Variants in RASEF observed in about 807,000 individuals in gnomAD.
RASEF encodes the protein ras and EF-hand domain-containing protein.
RASEF carries 68 observed loss-of-function variants against 90.1 expected under a neutral mutation model. The observed-to-expected ratio is 0.75, with a 90% CI of 0.62 to 0.92. The LOEUF is 0.92. RASEF is among the 40% of genes least tolerant of loss of function. The pLI is 0.00. For missense variants in RASEF, 949 were observed against 937.2 expected (o/e 1.01, Z -0.16); for synonymous variants, 331 against 345.2 (o/e 0.96, Z 0.46).
chr9:83,084,431 C>T, the RASEF span, among the ~76,000 whole-genome samples: 1 of 152,130 alleles, frequency 6.6e-6, no homozygotes, highest in Admixed American at 6.5e-5. Context: ...AGCTGGCTAC[C>T]ATTTGCCAAC....
chr9:83,042,226 T>TA (rs2118644305), intron 1 of RASEF, among the ~76,000 whole-genome samples: 1 of 152,302 alleles, frequency 6.6e-6, no homozygotes, highest in South Asian at 2.1e-4. Flanking sequence ...ATTGTTGCTT[T>TA]AAATGCAAGA....
chr9:82,998,536 A>G, intron 12 of RASEF, 90 bp from the exon 13 acceptor site: 5 of 808,870 alleles, frequency 6.2e-6, no homozygotes, highest in South Asian at 1.4e-5. Flanking sequence ...GCAAAAGCCA[A>G]TAATACACAG....
At chr9:83,092,996 G>A in the RASEF span, among the ~76,000 whole-genome samples, 2,333 of 151,330 alleles carry the variant, frequency 0.015, 44 homozygotes, top group African/African-American at 0.054. Flanking sequence ...ACAAAGTGCC[G>A]ATTGGTGTAT....
At chr9:83,011,955 C>A (rs1417913615) in intron 5 of RASEF, among the ~76,000 whole-genome samples, 1 of 152,076 alleles carries the variant, frequency 6.6e-6, no homozygotes, top group Non-Finnish European at 1.5e-5. Context: ...TCTTTATCTG[C>A]TTTCAAATTT....
rs1829457747 is a variant in RASEF, at chr9:83,022,244, C to A, written c.669+92G>T. On this transcript the variant is annotated intron_variant, in intron 3 of 16. Transcript: ENST00000376447. ...CTGCAGAAACCTGGACTTGCTGTAC[C>A]CCTGCATGACACCCAGAAGAGTGCC... The A allele has an allele frequency of 4.4e-6, 4 of 915,734 alleles. No individual in the cohort carries two copies. In the African/African-American group the frequency reaches 6.5e-5, roughly 15 times the overall value. 56.7% of individuals were successfully genotyped at this position (915,734 alleles called of 1,614,324 possible).
At chr9:83,085,822 G>A in the RASEF span, among the ~76,000 whole-genome samples, 3 of 151,996 alleles carry the variant, frequency 2.0e-5, no homozygotes, top group South Asian at 2.1e-4. Flanking sequence ...CTACTCGGTG[G>A]GCTAAGACAG....
intron 16 of RASEF, among the ~76,000 whole-genome samples, chr9:82,986,293 A>T (rs1470751895): frequency 1.3e-5 from 2 of 152,216 alleles, no homozygotes; most frequent in Non-Finnish European, 2.9e-5. Flanking sequence ...TTCACTGAAC[A>T]ATTCACATCT....
upstream of RASEF, among the ~76,000 whole-genome samples, chr9:83,064,366 A>T (rs537099104): frequency 2.1e-4 from 32 of 152,330 alleles, no homozygotes; most frequent in South Asian, 6.2e-3. Flanking sequence ...ATATAGTTGT[A>T]TACAGTTGGA....
intron 15 of RASEF, among the ~76,000 whole-genome samples, 172 bp downstream of exon 15, chr9:82,992,734 T>C (rs1335835940): frequency 6.6e-6 from 1 of 152,120 alleles, no homozygotes; most frequent in Non-Finnish European, 1.5e-5. Context: ...ATCCTTGGCA[T>C]AAAAGAGGTG....
intron 4 of RASEF, among the ~76,000 whole-genome samples, chr9:83,015,380 G>A (rs1201624053): frequency 6.6e-6 from 1 of 152,154 alleles, no homozygotes; most frequent in Non-Finnish European, 1.5e-5. Flanking sequence ...GAACTCAGGG[G>A]CCCTTAAAAG....
chr9:83,094,964 G>T, the RASEF span, among the ~76,000 whole-genome samples: 2 of 152,162 alleles, frequency 1.3e-5, no homozygotes, highest in Non-Finnish European at 2.9e-5. Context: ...ATCTCCCTCA[G>T]ACTGGTGAAT....
intron 1 of RASEF, among the ~76,000 whole-genome samples, chr9:83,028,688 C>T (rs10867929): frequency 0.48 from 73,166 of 151,984 alleles, 17,745 homozygotes; most frequent in East Asian, 0.64. Context: ...TTATACGTAG[C>T]GAGTAGTCAC....
At chr9:83,087,410 T>TCC in the RASEF span, among the ~76,000 whole-genome samples, 2 of 146,012 alleles carry the variant, frequency 1.4e-5, no homozygotes, top group African/African-American at 5.2e-5. Context: ...ATTCATTCTC[T>TCC]CTCTCTCTCT....
chr9:83,157,412 A>G, the RASEF span, among the ~76,000 whole-genome samples: 2 of 152,256 alleles, frequency 1.3e-5, no homozygotes, highest in African/African-American at 4.8e-5. Flanking sequence ...TACTGTAGGG[A>G]TGACTTTATT....
intron 1 of RASEF, chr9:83,048,473 G>A: frequency 1.0e-6 from 1 of 985,204 alleles, no homozygotes; most frequent in Non-Finnish European, 1.2e-6. Flanking sequence ...TGGACTTTTG[G>A]CAGGAGACTA....
chr9:82,983,263 G>T (rs915185517), intron 16 of RASEF, among the ~76,000 whole-genome samples: 1 of 152,024 alleles, frequency 6.6e-6, no homozygotes, highest in Non-Finnish European at 1.5e-5. Context: ...TCATGTAATG[G>T]TTGCTGAGCT....
At chr9:83,125,199 A>G in the RASEF span, among the ~76,000 whole-genome samples, 1 of 152,152 alleles carries the variant, frequency 6.6e-6, no homozygotes, top group African/African-American at 2.4e-5. Flanking sequence ...GCACTACTTC[A>G]GCTGGGCTCT....
intron 1 of RASEF, among the ~76,000 whole-genome samples, chr9:83,033,231 T>C (rs1438283894): frequency 6.6e-6 from 1 of 152,126 alleles, no homozygotes; most frequent in Non-Finnish European, 1.5e-5. Context: ...CATGAAAACA[T>C]GCATGCAATC....
the RASEF span, among the ~76,000 whole-genome samples, chr9:83,205,453 T>C: frequency 6.6e-6 from 1 of 152,184 alleles, no homozygotes. Flanking sequence ...CATACAACCT[T>C]CCTCTGTGAC....
Sources: gnomAD v4.1 joint callset for allele counts (sites outside exome capture counted in the v4.1 genomes callset) on GRCh38, gnomAD v4.1.1 for gene constraint, MANE v1.5 for transcripts, NCBI Gene and HGNC (gene_info 2026-07-23, HGNC 2026-07-21) for gene names.